The following EXOC5 variants were observed in gnomAD, a reference collection of about 807,000 sequenced individuals.
The protein encoded by EXOC5 is SEC10-like 1.
Under a neutral mutation model 90.8 loss-of-function variants are expected in EXOC5, and 17 were observed. The observed-to-expected ratio is 0.19, with a 90% CI of 0.13 to 0.28. EXOC5 has a LOEUF of 0.28. Ranked by LOEUF, EXOC5 falls within the 10% of genes least tolerant of loss-of-function variation. EXOC5 has a pLI of 1.00. For missense variants in EXOC5, 569 were observed against 830.6 expected (o/e 0.69, Z 3.87); for synonymous variants, 260 against 270.0 (o/e 0.96, Z 0.36).
chr14:57,208,633 G>A lies in EXOC5; in HGVS notation c.2103C>T (p.Ala701=), dbSNP rs1295561895. The stretch of plus-strand genomic sequence containing the variant: ...CTCAGCTGAAGTGTCGAGCAAGGCG[G>A]GCAGATCTATAATCAGCACGAAGTT... ...FVQLRADYRS[A]RLARHFS Residue 701 remains alanine (A), a synonymous_variant, in exon 18 of 18, where the codon GCC becomes GCT. Transcript: ENST00000621441. 6.2e-7 allele frequency: 1 copy of A among 1,604,672 alleles called. No individual in the cohort carries two copies. The highest frequency in any genetic ancestry group is 1.7e-5 in the Admixed American group (1 of 59,898).
At chr14:57,218,373 T>C (rs375933851) in intron 14 of EXOC5, among the ~76,000 whole-genome samples, 69 of 152,198 alleles carry the variant, frequency 4.5e-4, no homozygotes, top group African/African-American at 1.6e-3. Flanking sequence ...CTTTAAAATT[T>C]TGGAATTATT....
chr14:57,242,090 G>A (rs1187949553), intron 4 of EXOC5, among the ~76,000 whole-genome samples: 77 of 145,318 alleles, frequency 5.3e-4, no homozygotes, highest in African/African-American at 1.6e-3. Context: ...CCGAGATTGC[G>A]CCACTGCACT....
At chr14:57,258,009 C>T (rs915074966) in intron 1 of EXOC5, among the ~76,000 whole-genome samples, 12 of 152,194 alleles carry the variant, frequency 7.9e-5, no homozygotes, top group Non-Finnish European at 1.2e-4. Context: ...CACTAAGATA[C>T]TACCATATGA....
chr14:57,247,572 T>TTA, intron 2 of EXOC5, 46 bp downstream of exon 2: 1 of 828,332 alleles, frequency 1.2e-6, no homozygotes, highest in Non-Finnish European at 1.9e-6. Flanking sequence ...CTAACACTAA[T>TTA]GTGTACCAGA....
At position 57,205,404 on chromosome 14, in the gene EXOC5, G is replaced by C. The variant is rs954334659; in HGVS notation, c.*3205C>G. The C allele has an allele frequency of 1.0e-4, 16 of 157,542 alleles. No individual in the cohort carries two copies. The highest frequency in any genetic ancestry group is 1.9e-4 in the Non-Finnish European group (14 of 71,880). 9.8% of individuals were successfully genotyped at this position (157,542 alleles called of 1,614,324 possible). On this transcript the variant is annotated 3_prime_UTR_variant, in exon 18 of 18. Coordinates refer to ENST00000621441, the MANE Select transcript of EXOC5 (RefSeq NM_006544.4). ...TTCAACAATATATGGGTAATGTGCA[G>C]AATATTTTTGCGTTAAAAAAAGTTA...
chr14:57,250,494 A>G (rs1374057388), intron 1 of EXOC5, among the ~76,000 whole-genome samples: 1 of 152,218 alleles, frequency 6.6e-6, no homozygotes, highest in Non-Finnish European at 1.5e-5. Context: ...AAAGAAAAAT[A>G]TGCAAATATT....
intron 12 of EXOC5, among the ~76,000 whole-genome samples, chr14:57,224,136 T>A (rs1024633702): frequency 2.0e-5 from 3 of 151,934 alleles, no homozygotes; most frequent in African/African-American, 7.3e-5. Context: ...ATCAATGACC[T>A]CAGCTTCCAC....
intron 3 of EXOC5, among the ~76,000 whole-genome samples, chr14:57,244,894 G>A: frequency 6.6e-6 from 1 of 152,048 alleles, no homozygotes; most frequent in Non-Finnish European, 1.5e-5. Context: ...TAGCTGGGAG[G>A]CTGAGGCAGG....
intron 1 of EXOC5, among the ~76,000 whole-genome samples, chr14:57,263,004 C>T (rs2139672728): frequency 6.6e-6 from 1 of 152,150 alleles, no homozygotes; most frequent in Admixed American, 6.5e-5. Context: ...GAACACTTAC[C>T]AAATGACAAG....
At chr14:57,266,330 A>AT (rs1035985176) in intron 1 of EXOC5, among the ~76,000 whole-genome samples, 4 of 152,146 alleles carry the variant, frequency 2.6e-5, no homozygotes, top group African/African-American at 7.2e-5. Context: ...CAGTGACAGG[A>AT]TTTTTTTTCC....
At chr14:57,254,434 T>TA (rs1884287088) in intron 1 of EXOC5, among the ~76,000 whole-genome samples, 1 of 147,090 alleles carries the variant, frequency 6.8e-6, no homozygotes, top group African/African-American at 2.5e-5. Flanking sequence ...GTGAATCTGT[T>TA]CCAAAAAAAA....
rs1189080087 is a variant in EXOC5, at chr14:57,205,091, C to A, written c.*3518G>T. On this transcript the variant is annotated 3_prime_UTR_variant, in exon 18 of 18. Transcript: ENST00000621441. ...CATCTGTCAAATGGAAATAATAGTA[C>A]CCAAATCCTAGGGTTGCTCTAGAAT... 2.0e-5 allele frequency: 3 copies of A among 151,918 alleles called. No individual in the cohort carries two copies. Among genetic ancestry groups the A allele is most frequent in the African/African-American group, 7.2e-5 (3 of 41,406 alleles). The allele number at this position is 151,918 out of a possible 1,614,324, so 9.4% of individuals were successfully genotyped here.
intron 1 of EXOC5, 171 bp downstream of exon 1, chr14:57,268,451 T>A: frequency 1.8e-4 from 254 of 1,405,788 alleles, no homozygotes; most frequent in Middle Eastern, 4.0e-4. Context: ...CCCTCCCCCA[T>A]TTCACGCTCC....
intron 1 of EXOC5, among the ~76,000 whole-genome samples, chr14:57,260,491 T>C (rs1483300358): frequency 6.6e-6 from 1 of 152,118 alleles, no homozygotes; most frequent in African/African-American, 2.4e-5. Flanking sequence ...ATTTAAACGA[T>C]GGTAGTTTAG....
chr14:57,229,173 T>C (rs548858049), intron 12 of EXOC5, among the ~76,000 whole-genome samples: 1 of 152,264 alleles, frequency 6.6e-6, no homozygotes, highest in East Asian at 1.9e-4. Context: ...AAATTTGATC[T>C]GCTCAACTTT....
intron 13 of EXOC5, among the ~76,000 whole-genome samples, 163 bp from the exon 14 acceptor site, chr14:57,219,605 T>C (rs1294011001): frequency 6.6e-6 from 1 of 152,128 alleles, no homozygotes; most frequent in Non-Finnish European, 1.5e-5. Context: ...AAAATCAAGC[T>C]TAAACTTATA....
chr14:57,232,554 TA>T (rs1192321632), intron 10 of EXOC5, 112 bp downstream of exon 10: 1 of 545,900 alleles, frequency 1.8e-6, no homozygotes, highest in South Asian at 3.0e-5. Context: ...CATTTAATGC[TA>T]AAAGGTAAAC....
intron 13 of EXOC5, among the ~76,000 whole-genome samples, chr14:57,219,891 T>C (rs1262979471): frequency 6.6e-6 from 1 of 152,142 alleles, no homozygotes; most frequent in Non-Finnish European, 1.5e-5. Flanking sequence ...AAATGTCCTA[T>C]CTACAGATTA....
rs1882492706 is a variant in EXOC5, at chr14:57,201,378, A to G, written c.*7231T>C. The G allele has an allele frequency of 6.6e-6, 1 of 151,128 alleles. No homozygotes were observed. Among genetic ancestry groups the G allele is most frequent in the East Asian group, 2.0e-4 (1 of 5,124 alleles). The allele number at this position is 151,128 out of a possible 1,614,324, so 9.4% of individuals were successfully genotyped here. On this transcript the variant is annotated 3_prime_UTR_variant, in exon 18 of 18. Transcript: ENST00000621441. ...GACAGATTATAATTAGTTGAACAGA[A>G]AACTATGAATACATAGTGATATCAA...
Sources: gnomAD v4.1 joint callset for allele counts (sites outside exome capture counted in the v4.1 genomes callset) on GRCh38, gnomAD v4.1.1 for gene constraint, MANE v1.5 for transcripts, NCBI Gene and HGNC (gene_info 2026-07-23, HGNC 2026-07-21) for gene names.